HERC2: variants seen among roughly 807,000 people sequenced by gnomAD.
The protein encoded by HERC2 is HECT and RLD domain containing E3 ubiquitin protein ligase 2.
In HERC2, 102 loss-of-function variants were observed where a neutral mutation model predicts 537.7. The observed-to-expected ratio is 0.19, with a 90% CI of 0.16 to 0.22. HERC2 has a LOEUF of 0.22. Ranked by LOEUF, HERC2 falls within the 10% of genes least tolerant of loss-of-function variation. The pLI is 1.00. For synonymous variants in HERC2, 2,224 were observed against 2,466.2 expected (o/e 0.90, Z 2.91); for missense variants, 4,236 against 6,198.2 (o/e 0.68, Z 10.63).
At chr15:28,255,222 C>A (rs1320350777) in intron 19 of HERC2, among the ~76,000 whole-genome samples, 2 of 152,056 alleles carry the variant, frequency 1.3e-5, no homozygotes, top group African/African-American at 4.8e-5. Flanking sequence ...GTGGTCCCTG[C>A]AAAACAGGAG....
intron 12 of HERC2, among the ~76,000 whole-genome samples, chr15:28,266,183 T>C (rs1458077578): frequency 6.6e-6 from 1 of 152,096 alleles, no homozygotes; most frequent in Non-Finnish European, 1.5e-5. Context: ...ATGCCAAACA[T>C]GGTACCCAGT....
chr15:28,289,314 G>A (rs965564550), intron 4 of HERC2, among the ~76,000 whole-genome samples: 47 of 152,050 alleles, frequency 3.1e-4, no homozygotes, highest in African/African-American at 1.1e-3. Context: ...GTCAGACCAA[G>A]GTGACTTCAC....
At chr15:28,318,720 T>C (rs1329552350) in intron 2 of HERC2, among the ~76,000 whole-genome samples, 2 of 152,188 alleles carry the variant, frequency 1.3e-5, no homozygotes, top group Non-Finnish European at 2.9e-5. Flanking sequence ...GGTTGCTGGA[T>C]GTAGGGCCCT....
chr15:28,143,288 G>A (rs1013680074), intron 74 of HERC2, among the ~76,000 whole-genome samples: 1 of 152,024 alleles, frequency 6.6e-6, no homozygotes, highest in African/African-American at 2.4e-5. Flanking sequence ...AAAATAAAGG[G>A]GAGGCCAATC....
chr15:28,204,592 C>G (rs1393525415), intron 45 of HERC2, among the ~76,000 whole-genome samples: 2 of 149,518 alleles, frequency 1.3e-5, no homozygotes, highest in Non-Finnish European at 3.0e-5. Context: ...TGCACTCCAG[C>G]CTGGAGACAG....
chr15:28,199,357 A>G (rs1383435306), intron 48 of HERC2, among the ~76,000 whole-genome samples: 3 of 152,180 alleles, frequency 2.0e-5, no homozygotes, highest in South Asian at 2.1e-4. Flanking sequence ...CATCAAAAAC[A>G]TAACAGTGGA....
chr15:28,260,979 GAA>G lies in HERC2; in HGVS notation c.2123-11_2123-10del. On this transcript the variant is annotated splice_polypyrimidine_tract_variant and intron_variant, in intron 15 of 92. Coordinates refer to ENST00000261609, the MANE Select transcript of HERC2 (RefSeq NM_004667.6). ...ATCAATCACCTTCTTCCCTACAAGG[GAA>G]GAGGGATGCAGATGCAGCTTCAAGC... 6.2e-7 allele frequency: 1 copy of G among 1,607,228 alleles called. No individual in the cohort carries two copies. Among genetic ancestry groups the G allele is most frequent in the South Asian group, 1.1e-5 (1 of 90,464 alleles).
Position 28,288,494 on chromosome 15 carries a change from T to TC in HERC2, c.322+4393dup, listed in dbSNP as rs2076221283. 2.6e-5 allele frequency among the ~76,000 whole-genome samples: 3 copies of TC among 117,132 alleles called. No homozygotes were observed. The South Asian group carries it at 1.1e-3, about 43-fold the overall frequency. 76.8% of individuals were successfully genotyped at this position (117,132 alleles called of 152,430 possible). A position where few individuals can be genotyped will look rare whatever the true frequency, so the allele number is the denominator to read the frequency against. ...GTGAGCCAAGATCATGCCATTGCAC[T>TC]CCATCCTGGCAGCCTGGGCAACAAG... On this transcript the variant is annotated intron_variant, in intron 4 of 92. Transcript: ENST00000261609.
intron 78 of HERC2, among the ~76,000 whole-genome samples, chr15:28,137,590 C>T (rs1323854456): frequency 1.3e-5 from 2 of 152,176 alleles, no homozygotes; most frequent in Admixed American, 6.5e-5. Flanking sequence ...TTTTGAGGCA[C>T]CACAAACCAC....
intron 38 of HERC2, among the ~76,000 whole-genome samples, chr15:28,217,388 C>T (rs1157236821): frequency 2.6e-5 from 4 of 152,164 alleles, no homozygotes; most frequent in African/African-American, 4.8e-5. Context: ...GCAACACAAA[C>T]GCTCAGCCAC....
intron 34 of HERC2, 69 bp from the exon 35 acceptor site, chr15:28,228,478 C>T (rs1191780870): frequency 1.4e-5 from 19 of 1,389,588 alleles, no homozygotes; most frequent in South Asian, 2.4e-5. Context: ...GCAGAAAGCA[C>T]GGGCGATTAC....
intron 2 of HERC2, among the ~76,000 whole-genome samples, chr15:28,304,854 TC>T (rs2076739221): frequency 1.6e-5 from 1 of 61,258 alleles, no homozygotes; most frequent in African/African-American, 6.7e-5. Context: ...ATGCTACCCC[TC>T]CCCCCTCCCC....
intron 16 of HERC2, among the ~76,000 whole-genome samples, chr15:28,257,511 C>T (rs1156550592): frequency 6.6e-6 from 1 of 152,168 alleles, no homozygotes; most frequent in African/African-American, 2.4e-5. Context: ...AATCTTTTCA[C>T]TCTCAAAACG....
chr15:28,219,992 G>A (rs1900348763), intron 37 of HERC2, among the ~76,000 whole-genome samples: 1 of 152,230 alleles, frequency 6.6e-6, no homozygotes, highest in Non-Finnish European at 1.5e-5. Context: ...GAAGAGTTCA[G>A]AGTCAGGGAC....
intron 16 of HERC2, among the ~76,000 whole-genome samples, chr15:28,258,075 G>T (rs1225973818): frequency 6.6e-6 from 1 of 152,136 alleles, no homozygotes; most frequent in African/African-American, 2.4e-5. Context: ...TAAAAGAAAT[G>T]AAATCATATA....
chr15:28,134,544 T>G (rs1890422655), intron 79 of HERC2, among the ~76,000 whole-genome samples: 1 of 152,194 alleles, frequency 6.6e-6, no homozygotes, highest in Non-Finnish European at 1.5e-5. Flanking sequence ...GATCCTCAAC[T>G]CAGGGGGAAA....
At chr15:28,115,158 G>A (rs1888079968) in intron 89 of HERC2, 2 of 508,274 alleles carry the variant, frequency 3.9e-6, no homozygotes, top group Admixed American at 3.5e-5. Flanking sequence ...CCTGACTCAC[G>A]GCCCCCAGCT....
At chr15:28,228,480 G>A in intron 34 of HERC2, 71 bp from the exon 35 acceptor site, 1 of 1,390,288 alleles carries the variant, frequency 7.2e-7, no homozygotes, top group Non-Finnish European at 1.0e-6. Context: ...AGAAAGCACG[G>A]GCGATTACTC....
chr15:28,288,803 G>C (rs183028589), intron 4 of HERC2, among the ~76,000 whole-genome samples: 2 of 149,040 alleles, frequency 1.3e-5, no homozygotes, highest in Admixed American at 6.8e-5. Context: ...AGCTGAGATT[G>C]TGCCATTACA....
Sources: gnomAD v4.1 joint callset for allele counts (sites outside exome capture counted in the v4.1 genomes callset) on GRCh38, gnomAD v4.1.1 for gene constraint, MANE v1.5 for transcripts, NCBI Gene and HGNC (gene_info 2026-07-23, HGNC 2026-07-21) for gene names.